UPRT: variants seen among roughly 807,000 people sequenced by gnomAD.
UPRT encodes the protein uracil phosphoribosyltransferase homolog.
UPRT carries 5 observed loss-of-function variants against 22.6 expected under a neutral mutation model. The observed-to-expected ratio is 0.22, with a 90% confidence interval of 0.12 to 0.47. The LOEUF (loss-of-function observed/expected upper bound fraction) is 0.47. Among genes scored for constraint, UPRT ranks in the 20% least tolerant of loss-of-function variants. UPRT has a pLI of 0.99. For synonymous variants in UPRT, 77 were observed against 87.7 expected (o/e 0.88, Z 0.68); for missense variants, 181 against 239.9 (o/e 0.75, Z 1.62).
At chrX:75,161,826 T>TG (rs2082200653) in intron 2 of UPRT, among the ~76,000 whole-genome samples, 1 of 112,032 alleles carries the variant, frequency 8.9e-6, no homozygotes, top group Non-Finnish European at 1.9e-5. Context: ...TATGCTGCCT[T>TG]TTCTTGTATG....
intron 4 of UPRT, among the ~76,000 whole-genome samples, chrX:75,184,549 C>A (rs2082282331): frequency 9.3e-6 from 1 of 107,972 alleles, no homozygotes; most frequent in Non-Finnish European, 1.9e-5. Context: ...AGTTTTTTTC[C>A]AATTCTGTGA....
intron 1 of UPRT, among the ~76,000 whole-genome samples, chrX:75,159,608 C>T (rs1004638369): frequency 1.8e-5 from 2 of 111,185 alleles, no homozygotes; most frequent in Admixed American, 9.6e-5. Context: ...CTGAGAGGCA[C>T]TTTTAGAGCA....
chrX:75,220,450 T>C (rs1377773749), intron 4 of UPRT, among the ~76,000 whole-genome samples: 3 of 111,473 alleles, frequency 2.7e-5, no homozygotes, highest in African/African-American at 9.8e-5. Context: ...ATTTATTTAT[T>C]GTTTTCTGGT....
At chrX:75,252,775 A>G (rs1342245054) in intron 4 of UPRT, among the ~76,000 whole-genome samples, 2 of 112,402 alleles carry the variant, frequency 1.8e-5, no homozygotes, top group Non-Finnish European at 3.8e-5. Context: ...CACAATAGCA[A>G]AGACTTGGAA....
intron 1 of UPRT, among the ~76,000 whole-genome samples, chrX:75,158,211 G>A (rs6655627): frequency 0.029 from 3,193 of 111,458 alleles, 116 homozygotes; most frequent in African/African-American, 0.1. Context: ...TAGAACGTGA[G>A]GCATAATAAG....
chrX:75,254,548 A>G (rs1262442166), intron 4 of UPRT, among the ~76,000 whole-genome samples: 2 of 111,719 alleles, frequency 1.8e-5, no homozygotes, highest in East Asian at 5.6e-4. Flanking sequence ...AACCAAACCT[A>G]AGAGTAATTG....
At chrX:75,211,825 G>C (rs1046414305) in intron 4 of UPRT, among the ~76,000 whole-genome samples, 12 of 111,840 alleles carry the variant, frequency 1.1e-4, no homozygotes, top group African/African-American at 2.0e-4. Flanking sequence ...CACACACACA[G>C]AGAGAGGGCA....
chrX:75,299,192 G>A (rs1395296583), intron 4 of UPRT, among the ~76,000 whole-genome samples: 3 of 112,032 alleles, frequency 2.7e-5, no homozygotes, highest in Non-Finnish European at 5.6e-5. Flanking sequence ...CTGGGAGAGG[G>A]GGAACAATAT....
At chrX:75,225,119 A>G (rs1385141939) in intron 4 of UPRT, among the ~76,000 whole-genome samples, 1 of 110,909 alleles carries the variant, frequency 9.0e-6, no homozygotes, top group Non-Finnish European at 1.9e-5. Flanking sequence ...AAATCAAGGA[A>G]AGGGCTATTG....
Position 75,206,158 on chromosome X carries a change from T to C in UPRT, c.-447+38279T>C, listed in dbSNP as rs955202763. Reference sequence around the variant, plus strand: ...TTGTCTACTGGATGGAAGAGGGGAGTTTAAACTGGGGGATAATATGGGGTG... The same window carrying C: ...TTGTCTACTGGATGGAAGAGGGGAGCTTAAACTGGGGGATAATATGGGGTG... On this transcript the variant is annotated intron_variant, in intron 4 of 13. Transcript: ENST00000652605. 6.6e-5 allele frequency among the ~76,000 whole-genome samples: 3 copies of C among 45,487 alleles called. No individual in the cohort carries two copies. The East Asian group carries it at 2.8e-3, about 43-fold the overall frequency. The allele number at this position is 45,487 out of a possible 115,157, so 39.5% of individuals were successfully genotyped here.
At chrX:75,178,741 G>C (rs2082258665) in intron 4 of UPRT, among the ~76,000 whole-genome samples, 1 of 110,992 alleles carries the variant, frequency 9.0e-6, no homozygotes, top group Non-Finnish European at 1.9e-5. Flanking sequence ...TGAAGCTGCA[G>C]ATCTTTGCGG....
chrX:75,288,841 T>C (rs1280293636), intron 1 of UPRT, among the ~76,000 whole-genome samples: 3 of 111,468 alleles, frequency 2.7e-5, no homozygotes, highest in Non-Finnish European at 5.6e-5. Context: ...TAGCAAGAGC[T>C]ATCAGGCAAG....
At position 75,249,272 on chromosome X, in the gene UPRT, TAA is replaced by T. The variant is rs1249875342; in HGVS notation, c.-446-41750_-446-41749del. On this transcript the variant is annotated intron_variant, in intron 4 of 13. Coordinates refer to the UPRT transcript ENST00000652605. ...AAAATGTACAGACTGGCAAATTGGA[TAA>T]AGAGTCAAGACCCATCGGTGTGCTG... Among the ~76,000 whole-genome samples the T allele has an allele frequency of 4.5e-5, 5 of 111,431 alleles. No individual in the cohort carries two copies. In the East Asian group the frequency reaches 1.1e-3, roughly 25 times the overall value.
At chrX:75,288,961 C>G (rs2082694215) in intron 1 of UPRT, among the ~76,000 whole-genome samples, 1 of 111,727 alleles carries the variant, frequency 9.0e-6, no homozygotes, top group African/African-American at 3.2e-5. Flanking sequence ...CCAAAAGGCT[C>G]CTGGAACTGA....
At chrX:75,270,327 C>T (rs957118656), upstream of UPRT, among the ~76,000 whole-genome samples, 1 of 111,771 alleles carries the variant, frequency 8.9e-6, no homozygotes, top group African/African-American at 3.3e-5. Context: ...TTAGTTCAAC[C>T]ATTGTGGAAG....
At chrX:75,251,441 A>G (rs1337708714) in intron 4 of UPRT, among the ~76,000 whole-genome samples, 1 of 111,477 alleles carries the variant, frequency 9.0e-6, no homozygotes, top group African/African-American at 3.3e-5. Flanking sequence ...GACCCAAATC[A>G]TGAGTGAACT....
intron 4 of UPRT, among the ~76,000 whole-genome samples, chrX:75,265,748 G>A (rs1439206859): frequency 3.6e-5 from 4 of 110,992 alleles, no homozygotes; most frequent in African/African-American, 6.5e-5. Context: ...TGGAGGAGGC[G>A]AGGCACTCTG....
At chrX:75,206,765 T>C (rs2082368173) in intron 4 of UPRT, among the ~76,000 whole-genome samples, 2 of 110,977 alleles carry the variant, frequency 1.8e-5, no homozygotes, top group Non-Finnish European at 3.8e-5. Flanking sequence ...CCTGGGTTCA[T>C]GCCATTCTCC....
At chrX:75,212,794 G>A (rs189643516) in intron 4 of UPRT, among the ~76,000 whole-genome samples, 4 of 111,245 alleles carry the variant, frequency 3.6e-5, no homozygotes, top group African/African-American at 1.3e-4. Flanking sequence ...TGTCAGGGGT[G>A]TGGGGGAGGG....
Sources: gnomAD v4.1 joint callset for allele counts (sites outside exome capture counted in the v4.1 genomes callset) on GRCh38, gnomAD v4.1.1 for gene constraint, MANE v1.5 for transcripts, NCBI Gene and HGNC (gene_info 2026-07-23, HGNC 2026-07-21) for gene names.